CTNNA3: variants seen among roughly 807,000 people sequenced by gnomAD.
CTNNA3 encodes catenin alpha 3.
A neutral mutation model predicts 95.7 loss-of-function variants in CTNNA3; 76 were observed. That is an observed-to-expected ratio of 0.79 (90% CI 0.66 to 0.96). The LOEUF (loss-of-function observed/expected upper bound fraction) is 0.96. Ranked by LOEUF, CTNNA3 falls within the 40% of genes least tolerant of loss-of-function variation. The pLI is 0.00. For missense variants in CTNNA3, 1,191 were observed against 1,089.8 expected (o/e 1.09, Z -1.31); for synonymous variants, 431 against 374.4 (o/e 1.15, Z -1.74).
At chr10:67,641,032 G>T (rs949098858) in intron 2 of CTNNA3, among the ~76,000 whole-genome samples, 1 of 152,078 alleles carries the variant, frequency 6.6e-6, no homozygotes, top group Non-Finnish European at 1.5e-5. Context: ...AAGAGCTTCC[G>T]CACAGCAAAA....
chr10:66,775,404 G>T, intron 8 of CTNNA3, 40 bp downstream of exon 8: 1 of 1,319,816 alleles, frequency 7.6e-7, no homozygotes, highest in Non-Finnish European at 1.1e-6. Flanking sequence ...GTTTCATTTA[G>T]CCCCTATGTT....
intron 5 of CTNNA3, among the ~76,000 whole-genome samples, chr10:67,273,335 A>G (rs1195820551): frequency 6.6e-6 from 1 of 152,174 alleles, no homozygotes; most frequent in African/African-American, 2.4e-5. Flanking sequence ...ACAAAGAAAG[A>G]CATATAAATG....
chr10:66,952,670 G>A (rs1328080503), intron 7 of CTNNA3, among the ~76,000 whole-genome samples: 1 of 151,862 alleles, frequency 6.6e-6, no homozygotes, highest in Admixed American at 6.6e-5. Flanking sequence ...GGTAAATTGA[G>A]GATCTCTCTG....
intron 10 of CTNNA3, among the ~76,000 whole-genome samples, chr10:66,527,634 C>G (rs1216477494): frequency 6.6e-6 from 1 of 152,102 alleles, no homozygotes; most frequent in Non-Finnish European, 1.5e-5. Context: ...AAAAGACATT[C>G]AGGTAAAAGT....
chr10:67,675,406 T>C (rs970539669), intron 1 of CTNNA3, among the ~76,000 whole-genome samples: 12 of 152,162 alleles, frequency 7.9e-5, no homozygotes, highest in African/African-American at 2.2e-4. Context: ...CCCCAGGCTA[T>C]AGTTTTGGGA....
intron 12 of CTNNA3, among the ~76,000 whole-genome samples, chr10:66,357,156 T>C (rs2092617505): frequency 6.6e-6 from 1 of 152,128 alleles, no homozygotes; most frequent in Non-Finnish European, 1.5e-5. Flanking sequence ...TTTAATTTTT[T>C]GAAATTATAT....
At chr10:66,985,090 C>T (rs1850653090) in intron 7 of CTNNA3, among the ~76,000 whole-genome samples, 1 of 152,130 alleles carries the variant, frequency 6.6e-6, no homozygotes, top group South Asian at 2.1e-4. Context: ...AATGTTCCTT[C>T]CTAGATATTT....
intron 7 of CTNNA3, among the ~76,000 whole-genome samples, chr10:67,151,572 C>A (rs1190083346): frequency 1.3e-5 from 2 of 152,170 alleles, no homozygotes; most frequent in African/African-American, 4.8e-5. Flanking sequence ...CCTTTTCACC[C>A]TGGAAAATAA....
At chr10:66,345,569 C>A (rs1481624060) in intron 12 of CTNNA3, among the ~76,000 whole-genome samples, 4 of 151,736 alleles carry the variant, frequency 2.6e-5, no homozygotes, top group Non-Finnish European at 5.9e-5. Context: ...GTAAACAATT[C>A]TTTTCTGAGA....
intron 5 of CTNNA3, among the ~76,000 whole-genome samples, chr10:67,517,383 T>C (rs1298033286): frequency 6.6e-6 from 1 of 152,196 alleles, no homozygotes; most frequent in African/African-American, 2.4e-5. Context: ...ATAAATTTTA[T>C]CTAACTTATT....
At chr10:67,035,546 C>G (rs1853995983) in intron 7 of CTNNA3, among the ~76,000 whole-genome samples, 1 of 151,982 alleles carries the variant, frequency 6.6e-6, no homozygotes, top group South Asian at 2.1e-4. Flanking sequence ...TCAGTAAATT[C>G]TAACTCGGAG....
intron 2 of CTNNA3, among the ~76,000 whole-genome samples, chr10:67,612,336 G>A (rs998852289): frequency 6.6e-6 from 1 of 152,152 alleles, no homozygotes; most frequent in African/African-American, 2.4e-5. Context: ...ACTTATATAA[G>A]TACAAAGAAA....
intron 5 of CTNNA3, among the ~76,000 whole-genome samples, chr10:67,306,225 T>G (rs1449938226): frequency 6.6e-6 from 1 of 152,138 alleles, no homozygotes; most frequent in East Asian, 1.9e-4. Context: ...TGGGAGGAAC[T>G]GGAACCTTCA....
At chr10:66,084,291 C>A (rs2080894414) in intron 14 of CTNNA3, among the ~76,000 whole-genome samples, 1 of 151,882 alleles carries the variant, frequency 6.6e-6, no homozygotes, top group Admixed American at 6.6e-5. Context: ...GTACTTAAAG[C>A]ACCACAAAAT....
chr10:67,049,957 T>C (rs1854980941), intron 7 of CTNNA3, among the ~76,000 whole-genome samples: 1 of 152,252 alleles, frequency 6.6e-6, no homozygotes, highest in African/African-American at 2.4e-5. Flanking sequence ...AACTGAGGGA[T>C]GTATTATTCA....
rs910052470 is a variant in CTNNA3 at position 65,914,339 on chromosome 10, T to C, written c.*5991A>G. 5 of 152,080 alleles carry C rather than the reference T, an allele frequency of 3.3e-5. No individual in the cohort carries two copies. Among genetic ancestry groups the C allele is most frequent in the African/African-American group, 7.2e-5 (3 of 41,416 alleles). The allele number at this position is 152,080 out of a possible 1,614,324, so 9.4% of individuals were successfully genotyped here. ...AAACTAGGAATGTGTGTATTTCTTA[T>C]GTGGCTCCACCGTAAGAAATATCAG... On this transcript the variant is annotated 3_prime_UTR_variant, in exon 18 of 18. Coordinates refer to ENST00000433211, the MANE Select transcript of CTNNA3 (RefSeq NM_013266.4).
chr10:66,848,584 A>G (rs769487851), intron 7 of CTNNA3, among the ~76,000 whole-genome samples: 8 of 152,214 alleles, frequency 5.3e-5, no homozygotes, highest in Non-Finnish European at 1.0e-4. Context: ...GTGAAAACAA[A>G]CACCAAATTC....
At chr10:67,700,986 C>G (rs1408997864), upstream of CTNNA3, among the ~76,000 whole-genome samples, 1 of 152,116 alleles carries the variant, frequency 6.6e-6, no homozygotes, top group Non-Finnish European at 1.5e-5. Flanking sequence ...AACGCAGAAG[C>G]CTCAGGAGCC....
chr10:66,748,716 T>A (rs572617749), intron 9 of CTNNA3, among the ~76,000 whole-genome samples: 1 of 152,100 alleles, frequency 6.6e-6, no homozygotes, highest in Non-Finnish European at 1.5e-5. Context: ...CAATTTTAGG[T>A]GCTCAAAAAT....
Sources: gnomAD v4.1 joint callset for allele counts (sites outside exome capture counted in the v4.1 genomes callset) on GRCh38, gnomAD v4.1.1 for gene constraint, MANE v1.5 for transcripts, NCBI Gene and HGNC (gene_info 2026-07-23, HGNC 2026-07-21) for gene names.